MAP4: variants seen among roughly 807,000 people sequenced by gnomAD.
The protein encoded by MAP4 is microtubule-associated protein 4.
Under a neutral mutation model 170.2 loss-of-function variants are expected in MAP4, and 76 were observed. That is an observed-to-expected ratio of 0.45 (90% CI 0.37 to 0.54). The LOEUF is 0.54. Ranked by LOEUF, MAP4 falls within the 20% of genes least tolerant of loss-of-function variation. The probability of loss-of-function intolerance (pLI) is 0.00; values close to 1 mark genes in which losing one functional copy is unlikely to be tolerated. For synonymous variants in MAP4, 909 were observed against 994.5 expected (o/e 0.91, Z 1.62); for missense variants, 2,506 against 2,748.0 (o/e 0.91, Z 1.97).
Position 47,911,222 on chromosome 3 carries a change from T to C in MAP4, c.3199A>G (p.Ser1067Gly). Residue 1067 changes from serine (S) to glycine (G), a missense_variant, in exon 9 of 21, where the codon AGT becomes GGT. Ser to Gly is a moderately conservative substitution (Grantham distance 56). Transcript: ENST00000683076. This position sits in a 1 kb window ranked among gnomAD's most constrained non-coding sequence, Gnocchi z 4.0. ...GAATCTGTTCTCATTTTCCCAGAAC[T>C]TCCCCTTCCCTTCCTGCTTTTGCCA... Reference protein sequence around the residue: ...GDGKSRKGRGSSGKMRTDSGK... With the variant: ...GDGKSRKGRGGSGKMRTDSGK... 1.3e-6 allele frequency: 2 copies of C among 1,536,128 alleles called. No homozygotes were observed. Among genetic ancestry groups the C allele is most frequent in the Non-Finnish European group, 1.7e-6 (2 of 1,146,908 alleles).
intron 1 of MAP4, among the ~76,000 whole-genome samples, chr3:48,059,838 G>A (rs916445140): frequency 5.9e-5 from 9 of 151,992 alleles, no homozygotes; most frequent in South Asian, 2.1e-4. Flanking sequence ...AAAATTAGCC[G>A]GCTTGGTGGT....
chr3:47,985,651 A>G lies in MAP4; in HGVS notation c.224-7718T>C, dbSNP rs139917949. Among the ~76,000 whole-genome samples, 901 of 152,308 alleles carry G rather than the reference A, an allele frequency of 5.9e-3. 9 individuals are homozygous for G. The highest frequency in any genetic ancestry group is 0.027 in the Middle Eastern group (8 of 294). On this transcript the variant is annotated intron_variant, in intron 2 of 20. Coordinates refer to ENST00000683076, the MANE Select transcript of MAP4 (RefSeq NM_001385682.1). ...CTAATTATGAGGAAATGCCAGGCAA[A>G]CCCAAATTAGGGGACTTCTAAAAAA...
chr3:47,904,309 G>C (rs965874910), intron 9 of MAP4, among the ~76,000 whole-genome samples: 1 of 152,024 alleles, frequency 6.6e-6, no homozygotes, highest in Non-Finnish European at 1.5e-5. Flanking sequence ...GGTGGTAGGT[G>C]CTATTATTAT....
At chr3:48,002,514 A>T (rs2100099756) in intron 1 of MAP4, among the ~76,000 whole-genome samples, 1 of 151,880 alleles carries the variant, frequency 6.6e-6, no homozygotes, top group South Asian at 2.1e-4. Context: ...GTGAGCCATG[A>T]TTGTGATGGC....
intron 7 of MAP4, 77 bp downstream of exon 7, chr3:47,915,874 G>C: frequency 6.8e-7 from 1 of 1,473,750 alleles, no homozygotes; most frequent in Non-Finnish European, 9.1e-7. Context: ...ACTTTACCTG[G>C]CATGATGTTT....
Position 47,909,963 on chromosome 3 carries a change from T to C in MAP4, c.4458A>G (p.Gly1486=). 7 of 1,614,046 alleles carry C rather than the reference T, an allele frequency of 4.3e-6. No homozygotes were observed. The highest frequency in any genetic ancestry group is 5.9e-6 in the Non-Finnish European group (7 of 1,179,900). The part of the protein sequence containing the change: ...SLMVDNYTKD[G]VPGQERPKGP... ...CCTTGGGTCTTTCTTGACCTGGGAC[T>C]CCATCTTTGGTGTAGTTATCTACCA... The change falls in exon 9 of 21, where the codon GGA becomes GGG. Residue 1486 remains glycine (G), a synonymous_variant. Transcript: ENST00000683076.
intron 1 of MAP4, among the ~76,000 whole-genome samples, chr3:48,057,752 A>G (rs1039007676): frequency 3.3e-5 from 5 of 152,026 alleles, no homozygotes; most frequent in African/African-American, 1.2e-4. Context: ...TTTACTGTTA[A>G]CTGTTTCAAT....
intron 6 of MAP4, among the ~76,000 whole-genome samples, chr3:47,917,585 CAAAAAAAAA>C (rs397877787): frequency 1.1e-5 from 1 of 92,732 alleles, no homozygotes; most frequent in Non-Finnish European, 2.3e-5. Flanking sequence ...GAGTCCGTCT[CAAAAAAAAA>C]AAAAAAAAAA....
rs1383988066 is a variant in MAP4, at chr3:47,909,714, C to G, written c.4707G>C (p.Glu1569Asp). The G allele has an allele frequency of 7.4e-6, 12 of 1,613,912 alleles. No individual in the cohort carries two copies. The highest frequency in any genetic ancestry group is 1.3e-5 in the African/African-American group (1 of 74,936). ...CAGGAAGGAGGTGACCTTTTGCTAG[C>G]TCTGTGACTTTCTCTACTGAATGCT... ...ASKHSVEKVTELAKGHLLPGV... is the reference protein window; with the variant it reads ...ASKHSVEKVTDLAKGHLLPGV... Residue 1569 changes from glutamate to aspartate, a missense_variant, in exon 9 of 21, where the codon GAG (glutamate) becomes GAC (aspartate). Physicochemically the swap from Glu to Asp is conservative, Grantham distance 45. Transcript: ENST00000683076.
chr3:48,045,935 AC>A (rs2100124320), intron 1 of MAP4, among the ~76,000 whole-genome samples: 1 of 151,668 alleles, frequency 6.6e-6, no homozygotes, highest in African/African-American at 2.4e-5. Context: ...TTTCAATATC[AC>A]AGAATACCTT....
At chr3:48,044,423 G>C (rs1016784589) in intron 1 of MAP4, among the ~76,000 whole-genome samples, 1 of 152,000 alleles carries the variant, frequency 6.6e-6, no homozygotes, top group Non-Finnish European at 1.5e-5. Flanking sequence ...CCAAAGTGCT[G>C]GGATTACAGG....
chr3:47,944,225 G>C (rs1016473071), intron 3 of MAP4, among the ~76,000 whole-genome samples: 43 of 151,984 alleles, frequency 2.8e-4, no homozygotes, highest in African/African-American at 9.2e-4. Context: ...CAGAAGAATG[G>C]CTTGAACCTG....
At chr3:47,971,303 G>A (rs1166572864) in intron 3 of MAP4, among the ~76,000 whole-genome samples, 3 of 152,168 alleles carry the variant, frequency 2.0e-5, no homozygotes, top group Admixed American at 1.3e-4. Context: ...AATTTACAGC[G>A]TGGCTCCAAT....
At chr3:47,932,075 C>G (rs1011189957) in intron 3 of MAP4, among the ~76,000 whole-genome samples, 6 of 152,170 alleles carry the variant, frequency 3.9e-5, no homozygotes, top group African/African-American at 1.4e-4. Context: ...AATCCCATAT[C>G]TTTTCTCCTT....
intron 1 of MAP4, among the ~76,000 whole-genome samples, chr3:48,032,364 T>C (rs112635277): frequency 1.8e-4 from 27 of 151,970 alleles, no homozygotes; most frequent in Middle Eastern, 6.8e-3. Context: ...TAGATGGGCA[T>C]GGTGGTGTGC....
chr3:48,038,739 C>T (rs1176547061), intron 1 of MAP4, among the ~76,000 whole-genome samples: 2 of 152,144 alleles, frequency 1.3e-5, no homozygotes, highest in South Asian at 2.1e-4. Flanking sequence ...GGATTACAGG[C>T]GTGAGCCACT....
rs868670882 is a variant in MAP4, at chr3:48,058,938, C to T, written c.-20+29835G>A. On this transcript the variant is annotated intron_variant, in intron 1 of 18. Coordinates refer to the MAP4 transcript ENST00000360240. ...GAGATTACAGGCGTGCACCACCACG[C>T]CCGGCTAATTTTTGTATTTTTAGTA... is the stretch of plus-strand genomic sequence containing the variant. 3.7e-4 allele frequency among the ~76,000 whole-genome samples: 57 copies of T among 152,180 alleles called. 1 individual carries two copies. Among genetic ancestry groups the T allele is most frequent in the Middle Eastern group, 6.8e-3 (2 of 294 alleles).
chr3:48,006,619 T>A (rs529503364), intron 1 of MAP4, among the ~76,000 whole-genome samples: 1 of 152,300 alleles, frequency 6.6e-6, no homozygotes, highest in African/African-American at 2.4e-5. Context: ...ATAGAAGCCC[T>A]TAGAGTTGCC....
At chr3:48,056,243 T>G (rs1469480763) in intron 1 of MAP4, among the ~76,000 whole-genome samples, 8,662 of 95,226 alleles carry the variant, frequency 0.091, 272 homozygotes, top group African/African-American at 0.31. Context: ...TGGCCAGCCG[T>G]GCCGTCCGGG....
Sources: allele counts gnomAD v4.1 joint callset (sites outside exome capture counted in the v4.1 genomes callset), GRCh38; gene constraint gnomAD v4.1.1; non-coding constraint Gnocchi (gnomAD v3.1); transcripts MANE v1.5; gene names NCBI Gene and HGNC (gene_info 2026-07-23, HGNC 2026-07-21).